Variants in FAM171A1 observed in about 807,000 individuals in gnomAD.
FAM171A1 encodes family with sequence similarity 171 member A1, also known as protein FAM171A1.
In FAM171A1, 23 loss-of-function variants were observed where a neutral mutation model predicts 74.9. That is an observed-to-expected ratio of 0.31 (90% CI 0.22 to 0.44). FAM171A1 has a LOEUF of 0.44. Among genes scored for constraint, FAM171A1 ranks in the 20% least tolerant of loss-of-function variants. FAM171A1 has a pLI of 1.00. For missense variants in FAM171A1, 1,162 were observed against 1,159.2 expected, an observed-to-expected ratio of 1.00 and a Z score of -0.03; for synonymous variants, 527 against 505.7, an observed-to-expected ratio of 1.04 and a Z score of -0.57.
chr10:15,252,919 G>C lies in FAM171A1; in HGVS notation c.577+1802C>G, dbSNP rs1834528329. On this transcript the variant is annotated intron_variant, in intron 4 of 7. Coordinates refer to ENST00000378116, the MANE Select transcript of FAM171A1 (RefSeq NM_001010924.2). Reference sequence around the variant, plus strand: ...AAATTTAATGAGTCCCGAGCACGGAGGCTGTCCCTCCAAGTTAGGGTTTTG... The same window carrying C: ...AAATTTAATGAGTCCCGAGCACGGACGCTGTCCCTCCAAGTTAGGGTTTTG... 3.3e-5 allele frequency among the ~76,000 whole-genome samples: 5 copies of C among 152,240 alleles called. No individual in the cohort carries two copies. In the South Asian group the frequency reaches 1.0e-3, roughly 31 times the overall value.
intron 2 of FAM171A1, among the ~76,000 whole-genome samples, chr10:15,283,524 T>C (rs1211704875): frequency 1.3e-5 from 2 of 152,226 alleles, no homozygotes; most frequent in Non-Finnish European, 2.9e-5. Context: ...CTCGTTAAAA[T>C]GCAAATTCCC....
intron 1 of FAM171A1, among the ~76,000 whole-genome samples, chr10:15,354,672 G>A (rs917080471): frequency 1.3e-5 from 2 of 152,180 alleles, no homozygotes; most frequent in Admixed American, 6.5e-5. Flanking sequence ...TGCAGCTCCC[G>A]CTGACCCAGC....
Position 15,254,854 on chromosome 10 carries a change from A to G in FAM171A1, c.444T>C (p.His148=), listed in dbSNP as rs1834558164. The part of the protein sequence containing the change: ...FQGARPQPRV[H]FQRRALRLPE... The stretch of plus-strand genomic sequence containing the variant: ...GCAACCTCAGAGCCCTTCTCTGGAA[A>G]TGAACGCGAGGCTGTGGCCGGGCAC... The change falls in exon 4 of 8, where the codon CAT becomes CAC. Residue 148 remains histidine, a synonymous_variant. Transcript: ENST00000378116. 1.9e-6 allele frequency: 3 copies of G among 1,614,026 alleles called. No individual in the cohort carries two copies. In the African/African-American group the frequency reaches 4.0e-5, roughly 22 times the overall value.
intron 1 of FAM171A1, among the ~76,000 whole-genome samples, chr10:15,343,370 G>A (rs1052635174): frequency 1.3e-5 from 2 of 152,148 alleles, no homozygotes; most frequent in African/African-American, 4.8e-5. Context: ...TGGCCCTAAG[G>A]AGAGACAGAC....
At chr10:15,358,749 A>T (rs1835960850) in intron 1 of FAM171A1, among the ~76,000 whole-genome samples, 1 of 152,254 alleles carries the variant, frequency 6.6e-6, no homozygotes, top group East Asian at 1.9e-4. Flanking sequence ...GTTCAAGGGC[A>T]AACAGGAACC....
intron 6 of FAM171A1, among the ~76,000 whole-genome samples, chr10:15,219,485 T>A (rs562944670): frequency 6.6e-6 from 1 of 152,240 alleles, no homozygotes; most frequent in South Asian, 2.1e-4. Flanking sequence ...TCTTCAGTCA[T>A]AATCTAGGTA....
At chr10:15,327,633 A>G (rs1835572081) in intron 1 of FAM171A1, among the ~76,000 whole-genome samples, 1 of 152,068 alleles carries the variant, frequency 6.6e-6, no homozygotes, top group Non-Finnish European at 1.5e-5. Context: ...CCTGGGAGAC[A>G]AAACAAGACT....
In FAM171A1 at chr10:15,214,428, G is replaced by A. The variant is rs1564612174; in HGVS notation, c.1160C>T (p.Ala387Val). The change falls in exon 8 of 8, where the codon GCC becomes GTC. Residue 387 changes from alanine (A) to valine (V), a missense_variant. Physicochemically the swap from Ala to Val is moderately conservative, Grantham distance 64. Coordinates refer to ENST00000378116, the MANE Select transcript of FAM171A1 (RefSeq NM_001010924.2). ...LSVTSHGRPE[A>V]PGTKELMSGV... ...ACTCATCAGTTCCTTCGTGCCGGGG[G>A]CCTCGGGGCGGCCGTGGCTGGTGAC... The A allele has an allele frequency of 3.7e-6, 6 of 1,614,136 alleles. No individual in the cohort carries two copies. Among genetic ancestry groups the A allele is most frequent in the Non-Finnish European group, 5.1e-6 (6 of 1,180,028 alleles).
At chr10:15,352,078 C>CA (rs35033407) in intron 1 of FAM171A1, among the ~76,000 whole-genome samples, 67,706 of 116,140 alleles carry the variant, frequency 0.58, 16,119 homozygotes, top group East Asian at 0.83. Context: ...TGTAAAAATA[C>CA]AAAAAAAAAA....
At chr10:15,262,898 G>A (rs1043281336) in intron 3 of FAM171A1, among the ~76,000 whole-genome samples, 2 of 152,198 alleles carry the variant, frequency 1.3e-5, no homozygotes. Flanking sequence ...AAGGCGGCAG[G>A]AGGAAGACCA....
At chr10:15,258,418 A>G (rs1018368819) in intron 3 of FAM171A1, among the ~76,000 whole-genome samples, 1 of 152,112 alleles carries the variant, frequency 6.6e-6, no homozygotes, top group African/African-American at 2.4e-5. Flanking sequence ...TTGCTTATTC[A>G]TTGTAAGACT....
chr10:15,249,829 G>A (rs761598980), intron 4 of FAM171A1, among the ~76,000 whole-genome samples: 5 of 152,158 alleles, frequency 3.3e-5, no homozygotes, highest in Admixed American at 6.5e-5. Context: ...TTATGAGACC[G>A]ATATATTTAT....
chr10:15,342,490 C>T (rs1835775822), intron 1 of FAM171A1, among the ~76,000 whole-genome samples: 1 of 152,288 alleles, frequency 6.6e-6, no homozygotes, highest in Non-Finnish European at 1.5e-5. Flanking sequence ...ATTGCTTGAA[C>T]CTGGGAGGCA....
intron 1 of FAM171A1, among the ~76,000 whole-genome samples, chr10:15,362,614 C>T (rs1240894414): frequency 6.6e-6 from 1 of 152,206 alleles, no homozygotes; most frequent in Admixed American, 6.5e-5. Context: ...ATCCCAGCTA[C>T]TGGGGAGGCT....
At chr10:15,277,589 T>C (rs1228919665) in intron 2 of FAM171A1, among the ~76,000 whole-genome samples, 1 of 152,168 alleles carries the variant, frequency 6.6e-6, no homozygotes, top group African/African-American at 2.4e-5. Flanking sequence ...GATGAGGAAG[T>C]AACTCACCCA....
At chr10:15,277,712 C>G (rs1834911782) in intron 2 of FAM171A1, among the ~76,000 whole-genome samples, 1 of 152,152 alleles carries the variant, frequency 6.6e-6, no homozygotes, top group Admixed American at 6.5e-5. Flanking sequence ...GGGAAAACAT[C>G]AGGATCTAGA....
At chr10:15,220,486 C>T (rs1336761909) in intron 6 of FAM171A1, among the ~76,000 whole-genome samples, 4 of 152,190 alleles carry the variant, frequency 2.6e-5, no homozygotes, top group South Asian at 2.1e-4. Context: ...GGAAGATTCT[C>T]GTAGATACAA....
intron 4 of FAM171A1, among the ~76,000 whole-genome samples, chr10:15,252,630 G>A (rs1470491398): frequency 2.0e-5 from 3 of 152,192 alleles, no homozygotes; most frequent in Non-Finnish European, 4.4e-5. Flanking sequence ...CCGAGGGCGC[G>A]TGTGAATTCA....
intron 1 of FAM171A1, among the ~76,000 whole-genome samples, chr10:15,300,620 C>CAA (rs145825136): frequency 0.01 from 1,022 of 98,078 alleles, 12 homozygotes; most frequent in African/African-American, 0.033. Context: ...AAAAAATAAA[C>CAA]AAAAAAAAAA....
Sources: allele counts gnomAD v4.1 joint callset (sites outside exome capture counted in the v4.1 genomes callset), GRCh38; gene constraint gnomAD v4.1.1; transcripts MANE v1.5; gene names NCBI Gene and HGNC (gene_info 2026-07-23, HGNC 2026-07-21).